Variants in DIAPH2 observed in about 807,000 individuals in gnomAD.
DIAPH2 encodes the protein protein diaphanous homolog 2.
Under a neutral mutation model 92.7 loss-of-function variants are expected in DIAPH2, and 35 were observed. That is an observed-to-expected ratio of 0.38 (90% CI 0.29 to 0.50). The LOEUF (loss-of-function observed/expected upper bound fraction) is 0.50, where lower values mean the gene tolerates loss of function less well. Ranked by LOEUF, DIAPH2 falls within the 20% of genes least tolerant of loss-of-function variation. The pLI is 0.94. For synonymous variants in DIAPH2, 301 were observed against 280.4 expected (o/e 1.07, Z -0.73); for missense variants, 701 against 819.5 (o/e 0.86, Z 1.77).
At chrX:97,095,721 AG>A (rs2066863662) in intron 19 of DIAPH2, among the ~76,000 whole-genome samples, 1 of 111,631 alleles carries the variant, frequency 9.0e-6, no homozygotes. Flanking sequence ...TAACATTTAA[AG>A]GAAATAAAGT....
At chrX:96,967,474 C>T (rs1190834111) in intron 17 of DIAPH2, among the ~76,000 whole-genome samples, 1 of 110,149 alleles carries the variant, frequency 9.1e-6, no homozygotes, top group Non-Finnish European at 1.9e-5. Flanking sequence ...GGCTGGAGTG[C>T]AATGGCGCGA....
intron 16 of DIAPH2, among the ~76,000 whole-genome samples, chrX:96,958,805 C>G (rs1451786526): frequency 9.0e-6 from 1 of 111,511 alleles, no homozygotes; most frequent in South Asian, 3.8e-4. Flanking sequence ...TTTTTAAGCT[C>G]CTATATATGA....
chrX:96,952,392 G>T (rs2065781415), intron 15 of DIAPH2, among the ~76,000 whole-genome samples: 1 of 111,800 alleles, frequency 8.9e-6, no homozygotes, highest in South Asian at 3.7e-4. Context: ...TTGTAAATAG[G>T]TCAGTCCTTT....
rs780086647 is a variant in DIAPH2, at chrX:97,423,531, G to A, written c.3146-6119G>A. Among the ~76,000 whole-genome samples the A allele has an allele frequency of 3.6e-5, 4 of 111,522 alleles. No homozygotes were observed. The South Asian group carries it at 1.5e-3, about 42-fold the overall frequency. On this transcript the variant is annotated intron_variant, in intron 25 of 26. Transcript: ENST00000324765. Reference sequence around the variant, plus strand: ...ACTGAAAATTAAGCAGCAGGCATTCGGCATCTACTAAATGACAAATACTAA... The same window carrying A: ...ACTGAAAATTAAGCAGCAGGCATTCAGCATCTACTAAATGACAAATACTAA...
At chrX:96,789,598 G>C (rs757495610) in intron 4 of DIAPH2, among the ~76,000 whole-genome samples, 18 of 112,234 alleles carry the variant, frequency 1.6e-4, no homozygotes, top group African/African-American at 4.8e-4. Context: ...TCAGTACTTA[G>C]TCTTAGGCTC....
At chrX:96,944,907 T>C in intron 13 of DIAPH2, among the ~76,000 whole-genome samples, 1 of 111,329 alleles carries the variant, frequency 9.0e-6, no homozygotes, top group East Asian at 2.8e-4. Flanking sequence ...AAGTGTGGAA[T>C]GGCTAGATAC....
chrX:96,877,025 C>T (rs1254073736), intron 4 of DIAPH2, among the ~76,000 whole-genome samples: 1 of 110,662 alleles, frequency 9.0e-6, no homozygotes, highest in Non-Finnish European at 1.9e-5. Context: ...CTGTATTACT[C>T]TCCCAGTAAG....
intron 4 of DIAPH2, among the ~76,000 whole-genome samples, chrX:96,801,424 G>A (rs1392073165): frequency 1.8e-5 from 2 of 111,644 alleles, no homozygotes; most frequent in African/African-American, 3.3e-5. Context: ...GTTAATACAC[G>A]GTATTACTAA....
chrX:97,583,016 C>T (rs1265721850), intron 26 of DIAPH2, among the ~76,000 whole-genome samples: 1 of 111,990 alleles, frequency 8.9e-6, no homozygotes, highest in Non-Finnish European at 1.9e-5. Context: ...CTTTGGTCTT[C>T]AGCTCCATCA....
intron 20 of DIAPH2, among the ~76,000 whole-genome samples, chrX:97,110,900 G>A (rs958396710): frequency 2.7e-5 from 3 of 110,478 alleles, no homozygotes; most frequent in Non-Finnish European, 3.8e-5. Flanking sequence ...GGAAAATGGC[G>A]TGAAGCCAGG....
At chrX:97,207,211 A>T (rs1055212660) in intron 22 of DIAPH2, among the ~76,000 whole-genome samples, 1 of 112,081 alleles carries the variant, frequency 8.9e-6, no homozygotes, top group Non-Finnish European at 1.9e-5. Flanking sequence ...TGAAGAAAGT[A>T]CTTTACCAAT....
chrX:97,349,780 G>T (rs752767663), intron 24 of DIAPH2, among the ~76,000 whole-genome samples: 1 of 110,150 alleles, frequency 9.1e-6, no homozygotes, highest in Non-Finnish European at 1.9e-5. Flanking sequence ...TGTTCTACTG[G>T]CAATGAGAAG....
At chrX:96,989,598 C>A (rs759657968) in intron 17 of DIAPH2, among the ~76,000 whole-genome samples, 1 of 111,818 alleles carries the variant, frequency 8.9e-6, no homozygotes, top group East Asian at 2.8e-4. Flanking sequence ...GAATTGCATT[C>A]TATAAGATAA....
chrX:97,592,226 A>AAAG (rs1569430977), intron 26 of DIAPH2, among the ~76,000 whole-genome samples: 1 of 112,006 alleles, frequency 8.9e-6, no homozygotes, highest in Non-Finnish European at 1.9e-5. Context: ...CAATCTTCCT[A>AAAG]AAGTTACTAT....
At chrX:97,162,831 CT>C (rs1276417098) in intron 22 of DIAPH2, among the ~76,000 whole-genome samples, 3 of 111,213 alleles carry the variant, frequency 2.7e-5, no homozygotes, top group Non-Finnish European at 5.7e-5. Flanking sequence ...TCTATTCATT[CT>C]TTTTTTTCCC....
intron 26 of DIAPH2, among the ~76,000 whole-genome samples, chrX:97,459,490 T>C (rs747307646): frequency 8.9e-6 from 1 of 112,341 alleles, no homozygotes; most frequent in African/African-American, 3.2e-5. Context: ...AAGGATTTCT[T>C]AAATACATAA....
chrX:97,040,942 C>G (rs1349014955), intron 17 of DIAPH2, among the ~76,000 whole-genome samples: 2 of 110,730 alleles, frequency 1.8e-5, no homozygotes, highest in South Asian at 7.5e-4. Context: ...ACATTTTTTA[C>G]TGTTGATGAA....
At chrX:97,137,193 A>G (rs141685110) in intron 21 of DIAPH2, among the ~76,000 whole-genome samples, 12,270 of 101,975 alleles carry the variant, frequency 0.12, 681 homozygotes, top group Admixed American at 0.24. Flanking sequence ...ACTCTAGCAA[A>G]TGTGTGTTCT....
chrX:97,409,712 A>G lies in DIAPH2; in HGVS notation c.3146-19938A>G, dbSNP rs752476340. On this transcript the variant is annotated intron_variant, in intron 25 of 26. Transcript: ENST00000324765. The stretch of plus-strand genomic sequence containing the variant: ...TAGTCTTAGCAAATGGCACACCAGG[A>G]GATTATATCCCGTGCCTGGCTCAGC... 3.6e-5 allele frequency among the ~76,000 whole-genome samples: 4 copies of G among 112,197 alleles called. No individual in the cohort carries two copies. The South Asian group carries it at 1.5e-3, about 43-fold the overall frequency.
Sources: allele counts gnomAD v4.1 joint callset (sites outside exome capture counted in the v4.1 genomes callset), GRCh38; gene constraint gnomAD v4.1.1; transcripts MANE v1.5; gene names NCBI Gene and HGNC (gene_info 2026-07-23, HGNC 2026-07-21).